Variants in SYDE1 observed in about 807,000 individuals in gnomAD.
SYDE1 encodes synapse defective Rho GTPase activating protein 1, also known as rho GTPase-activating protein SYDE1.
Under a neutral mutation model 63.3 loss-of-function variants are expected in SYDE1, and 34 were observed. The observed-to-expected ratio is 0.54, with a 90% CI of 0.41 to 0.71. The LOEUF is 0.71. Among genes scored for constraint, SYDE1 ranks in the 30% least tolerant of loss-of-function variants. The pLI is 0.00. For synonymous variants in SYDE1, 467 were observed against 473.4 expected (o/e 0.99, Z 0.18); for missense variants, 925 against 1,042.5 (o/e 0.89, Z 1.55).
In SYDE1 at chr19:15,109,153, G is replaced by A; in HGVS notation, c.186G>A (p.Glu62=). The change falls in exon 2 of 8, where the codon GAG becomes GAA. Residue 62 remains glutamate, a synonymous_variant. Transcript: ENST00000342784. The surrounding 1 kb of genome is among the most constrained non-coding windows in gnomAD (Gnocchi z 5.0). ...QAGAEGPSSP[E]ASRSPARGAY... ...GAGCAGAGGGGCCCTCCAGCCCCGA[G>A]GCATCAAGGAGCCCTGCACGGGGAG... 6.4e-7 allele frequency: 1 copy of A among 1,552,374 alleles called. No homozygotes were observed. The highest frequency in any genetic ancestry group is 8.7e-7 in the Non-Finnish European group (1 of 1,147,490).
At position 15,110,053 on chromosome 19, in the gene SYDE1, C is replaced by T; in HGVS notation, c.780C>T (p.Pro260=). The change falls in exon 3 of 8, where the codon CCC becomes CCT. Residue 260 remains proline (P), a synonymous_variant. Transcript: ENST00000342784. The surrounding 1 kb of genome is among the most constrained non-coding windows in gnomAD (Gnocchi z 6.9). The part of the protein sequence containing the change: ...PYEVGPAARA[P]PAALWGRLSL... ...AGGTGGGTCCCGCAGCCCGGGCACCCCCGGCCGCACTCTGGGGCCGCCTCA... is the reference window on the plus strand; with the variant it reads ...AGGTGGGTCCCGCAGCCCGGGCACCTCCGGCCGCACTCTGGGGCCGCCTCA... 6.7e-7 allele frequency: 1 copy of T among 1,498,990 alleles called. No homozygotes were observed. The highest frequency in any genetic ancestry group is 8.8e-7 in the Non-Finnish European group (1 of 1,132,024). 92.9% of individuals were successfully genotyped at this position (1,498,990 alleles called of 1,614,324 possible). A position where few individuals can be genotyped will look rare whatever the true frequency, so the allele number is the denominator to read the frequency against.
chr19:15,111,386 G>C lies in SYDE1; in HGVS notation c.1364G>C (p.Ser455Thr). ...CTTCGGGATGCCTTTGAGCGGGACA[G>C]TGCAGCGGTCTGCCTATCTGAGGAC... Reference protein sequence around the residue: ...KELRDAFERDSAAVCLSEDLY... With the variant: ...KELRDAFERDTAAVCLSEDLY... The change falls in exon 5 of 8, where the codon AGT becomes ACT. Residue 455 changes from serine (S) to threonine (T), a missense_variant. Ser to Thr is a moderately conservative substitution (Grantham distance 58). This residue lies in a region of SYDE1 where 599 missense variants were observed against 653.7 expected (regional missense o/e 0.92). Coordinates refer to ENST00000342784, the MANE Select transcript of SYDE1 (RefSeq NM_033025.6). The surrounding 1 kb of genome is among the most constrained non-coding windows in gnomAD (Gnocchi z 5.5). 6.2e-7 allele frequency: 1 copy of C among 1,614,136 alleles called. No individual in the cohort carries two copies.
rs200072326 is a variant in SYDE1, at chr19:15,111,468, C to T, written c.1417+29C>T. 3.7e-6 allele frequency: 6 copies of T among 1,611,686 alleles called. No individual in the cohort carries two copies. The Admixed American group carries it at 5.0e-5, about 13-fold the overall frequency. The stretch of plus-strand genomic sequence containing the variant: ...AGCATGGCCCCCTCTCCCCTGCCTG[C>T]TCACCCCCATTCAATGCCTCACTTC... On this transcript the variant is annotated intron_variant, in intron 5 of 7. Transcript: ENST00000342784. This position sits in a 1 kb window ranked among gnomAD's most constrained non-coding sequence, Gnocchi z 5.5.
Position 15,111,162 on chromosome 19 carries a change from G to A in SYDE1, c.1291-151G>A. The A allele has an allele frequency of 1.3e-6, 1 of 786,260 alleles. No homozygotes were observed. The highest frequency in any genetic ancestry group is 2.0e-6 in the Non-Finnish European group (1 of 488,584). 48.7% of individuals were successfully genotyped at this position (786,260 alleles called of 1,614,324 possible). A position where few individuals can be genotyped will look rare whatever the true frequency, so the allele number is the denominator to read the frequency against. On this transcript the variant is annotated intron_variant, in intron 4 of 7. Transcript: ENST00000342784. This position sits in a 1 kb window ranked among gnomAD's most constrained non-coding sequence, Gnocchi z 5.5. ...CCAAGACAAGTAGTCCAAGCAGAGG[G>A]TTTACAAGGCCAGGTTGTCAAGGTA...
In SYDE1 at chr19:15,110,026, C is replaced by G. The variant is rs940270518; in HGVS notation, c.753C>G (p.Tyr251Ter). ...CATCACCCACCTCCTTCCGGCCCTACGAGGTGGGTCCCGCAGCCCGGGCAC... is the reference window on the plus strand; with the variant it reads ...CATCACCCACCTCCTTCCGGCCCTAGGAGGTGGGTCCCGCAGCCCGGGCAC... ...GPPSPTSFRPYEVGPAARAPP... is the reference protein window; with the variant it reads ...GPPSPTSFRP The change falls in exon 3 of 8, where the codon TAC becomes TAG. Residue 251 changes from tyrosine (Y) to a stop codon, truncating the protein, a stop_gained. Transcript: ENST00000342784. LOFTEE classifies it high-confidence loss of function. The surrounding 1 kb of genome is among the most constrained non-coding windows in gnomAD (Gnocchi z 6.9). The G allele has an allele frequency of 1.3e-6, 2 of 1,504,654 alleles. No homozygotes were observed. Among genetic ancestry groups the G allele is most frequent in the Non-Finnish European group, 1.8e-6 (2 of 1,134,528 alleles). 93.2% of individuals were successfully genotyped at this position (1,504,654 alleles called of 1,614,324 possible).
At position 15,110,664 on chromosome 19, in the gene SYDE1, G is replaced by A. The variant is rs1214040192; in HGVS notation, c.1219G>A (p.Glu407Lys). Residue 407 changes from glutamate (E) to lysine (K), a missense_variant, in exon 4 of 8, where the codon GAG (glutamate) becomes AAG (lysine). Transcript: ENST00000342784. The surrounding 1 kb of genome is among the most constrained non-coding windows in gnomAD (Gnocchi z 6.9). Reference protein sequence around the residue: ...GLPLPLLVERERPPGQVPLII... With the variant: ...GLPLPLLVERKRPPGQVPLII... ...GCCCCTGCCACTGCTGGTGGAGCGGGAGCGGCCCCCCGGCCAGGTGCCCCT... is the reference window on the plus strand; with the variant it reads ...GCCCCTGCCACTGCTGGTGGAGCGGAAGCGGCCCCCCGGCCAGGTGCCCCT... The A allele has an allele frequency of 6.3e-7, 1 of 1,586,332 alleles. No individual in the cohort carries two copies. The highest frequency in any genetic ancestry group is 1.3e-5 in the African/African-American group (1 of 74,404).
Position 15,109,273 on chromosome 19 carries a change from C to A in SYDE1, c.306C>A (p.Gly102=), listed in dbSNP as rs2046325791. The change falls in exon 2 of 8, where the codon GGC becomes GGA. Residue 102 remains glycine, a synonymous_variant. Coordinates refer to ENST00000342784, the MANE Select transcript of SYDE1 (RefSeq NM_033025.6). The surrounding 1 kb of genome is among the most constrained non-coding windows in gnomAD (Gnocchi z 5.0). ...CCTCTTTAGGGCCTGGGGTACCTGG[C>A]ACTGGGGAGCCCGCCGGCGAGATCT... ...EDTSLGPGVP[G]TGEPAGEIWY... The A allele has an allele frequency of 3.1e-6, 5 of 1,611,090 alleles. No individual in the cohort carries two copies. In the East Asian group the frequency reaches 1.1e-4, roughly 36 times the overall value.
Position 15,111,667 on chromosome 19 carries a change from C to G in SYDE1, c.1453C>G (p.Pro485Ala), listed in dbSNP as rs779170644. The G allele has an allele frequency of 1.9e-6, 3 of 1,613,932 alleles. No homozygotes were observed. Among genetic ancestry groups the G allele is most frequent in the Non-Finnish European group, 2.5e-6 (3 of 1,179,920 alleles). ...GGATTATCTTCGAGAGTTGCCCACCCCACTCATCACCCAGCCCCTGTATAA... is the reference window on the plus strand; with the variant it reads ...GGATTATCTTCGAGAGTTGCCCACCGCACTCATCACCCAGCCCCTGTATAA... ...LKDYLRELPT[P>A]LITQPLYKVV... Residue 485 changes from proline (P) to alanine (A), a missense_variant, in exon 6 of 8, where the codon CCA becomes GCA. Coordinates refer to ENST00000342784, the MANE Select transcript of SYDE1 (RefSeq NM_033025.6). The surrounding 1 kb of genome is among the most constrained non-coding windows in gnomAD (Gnocchi z 5.5).
chr19:15,108,574 G>A lies in SYDE1; in HGVS notation c.89-482G>A, dbSNP rs114315251. Reference sequence around the variant, plus strand: ...ATAGAAAACCCAGCTCCTCACTCCTGAGCACGTAGTGCCTGCTGTGGGCTG... The same window carrying A: ...ATAGAAAACCCAGCTCCTCACTCCTAAGCACGTAGTGCCTGCTGTGGGCTG... On this transcript the variant is annotated intron_variant, in intron 1 of 7. Transcript: ENST00000342784. The surrounding 1 kb of genome is among the most constrained non-coding windows in gnomAD (Gnocchi z 4.3). 1.9e-3 allele frequency among the ~76,000 whole-genome samples: 296 copies of A among 152,278 alleles called. No individual in the cohort carries two copies. Among genetic ancestry groups the A allele is most frequent in the African/African-American group, 6.3e-3 (263 of 41,558 alleles).
In SYDE1 at chr19:15,114,456, G is replaced by A. The variant is rs1000113488; in HGVS notation, c.*493G>A. ...TAGCATGAGGCACTGTTTGTGGGGG[G>A]CAGCCCCTATCCTGGGTTCCAGCAT... On this transcript the variant is annotated 3_prime_UTR_variant, in exon 8 of 8. Coordinates refer to ENST00000342784, the MANE Select transcript of SYDE1 (RefSeq NM_033025.6). 1.2e-5 allele frequency: 2 copies of A among 162,048 alleles called. No individual in the cohort carries two copies. Among genetic ancestry groups the A allele is most frequent in the Admixed American group, 1.2e-4 (2 of 17,084 alleles). The allele number at this position is 162,048 out of a possible 1,614,324, so 10.0% of individuals were successfully genotyped here.
Position 15,110,824 on chromosome 19 carries a change from C to T in SYDE1, c.1290+89C>T, listed in dbSNP as rs1038399072. ...TATGTACAGATGCCAGACCCCTACC[C>T]CCAGGCCTGAGCCACTCCTAGCTCC... On this transcript the variant is annotated intron_variant, in intron 4 of 7. Transcript: ENST00000342784. The surrounding 1 kb of genome is among the most constrained non-coding windows in gnomAD (Gnocchi z 6.9). 2 of 1,205,612 alleles carry T rather than the reference C, an allele frequency of 1.7e-6. No homozygotes were observed. The highest frequency in any genetic ancestry group is 2.6e-5 in the Admixed American group (1 of 38,546). 74.7% of individuals were successfully genotyped at this position (1,205,612 alleles called of 1,614,324 possible). A position where few individuals can be genotyped will look rare whatever the true frequency, so the allele number is the denominator to read the frequency against.
rs1226258881 is a variant in SYDE1, at chr19:15,111,932, A to C, written c.1578+140A>C. On this transcript the variant is annotated intron_variant, in intron 6 of 7. Coordinates refer to ENST00000342784, the MANE Select transcript of SYDE1 (RefSeq NM_033025.6). The surrounding 1 kb of genome is among the most constrained non-coding windows in gnomAD (Gnocchi z 5.5). ...AAGAAATAGGTGCTATTAGCATCCCACTTCATAGATTTGGAAACTGAGGCC... is the reference window on the plus strand; with the variant it reads ...AAGAAATAGGTGCTATTAGCATCCCCCTTCATAGATTTGGAAACTGAGGCC... 3.3e-6 allele frequency: 3 copies of C among 896,072 alleles called. No individual in the cohort carries two copies. The Admixed American group carries it at 9.9e-5, about 29-fold the overall frequency. 55.5% of individuals were successfully genotyped at this position (896,072 alleles called of 1,614,324 possible).
At position 15,114,020 on chromosome 19, in the gene SYDE1, C is replaced by T. The variant is rs1325788358; in HGVS notation, c.*57C>T. 3 of 1,530,360 alleles carry T rather than the reference C, an allele frequency of 2.0e-6. No homozygotes were observed. Among genetic ancestry groups the T allele is most frequent in the African/African-American group, 1.4e-5 (1 of 72,948 alleles). The allele number at this position is 1,530,360 out of a possible 1,614,324, so 94.8% of individuals were successfully genotyped here. A position where few individuals can be genotyped will look rare whatever the true frequency, so the allele number is the denominator to read the frequency against. ...AGGACCGGGCGCCCAGTGGCTAAGG[C>T]GGTGCCCTGGTGACCAAGGAGAGCC... On this transcript the variant is annotated 3_prime_UTR_variant, in exon 8 of 8. Transcript: ENST00000342784.
Position 15,109,143 on chromosome 19 carries a change from C to T in SYDE1, c.176C>T (p.Ser59Phe), listed in dbSNP as rs949767615. The T allele has an allele frequency of 3.2e-6, 5 of 1,551,130 alleles. No homozygotes were observed. In the Admixed American group the frequency reaches 7.8e-5, roughly 24 times the overall value. Reference protein sequence around the residue: ...EGSQAGAEGPSSPEASRSPAR... With the variant: ...EGSQAGAEGPFSPEASRSPAR... ...TCCCAGGCCGGAGCAGAGGGGCCCT[C>T]CAGCCCCGAGGCATCAAGGAGCCCT... The change falls in exon 2 of 8, where the codon TCC (serine) becomes TTC (phenylalanine). Residue 59 changes from serine to phenylalanine, a missense_variant. Transcript: ENST00000342784. The surrounding 1 kb of genome is among the most constrained non-coding windows in gnomAD (Gnocchi z 5.0).
Position 15,114,666 on chromosome 19 carries a change from C to A in SYDE1, c.*703C>A, listed in dbSNP as rs985269477. On this transcript the variant is annotated 3_prime_UTR_variant, in exon 8 of 8. Coordinates refer to ENST00000342784, the MANE Select transcript of SYDE1 (RefSeq NM_033025.6). ...AAAAAATTGAGCACTTAAACCCCTC[C>A]CTTTTGGAGGGGGCCCCCTGAAGCG... is the stretch of plus-strand genomic sequence containing the variant. 2 of 149,362 alleles carry A rather than the reference C, an allele frequency of 1.3e-5. No homozygotes were observed. The highest frequency in any genetic ancestry group is 2.5e-5 in the African/African-American group (1 of 40,704). The allele number at this position is 149,362 out of a possible 1,614,324, so 9.3% of individuals were successfully genotyped here. A position where few individuals can be genotyped will look rare whatever the true frequency, so the allele number is the denominator to read the frequency against.
In SYDE1 at chr19:15,108,832, CT is replaced by C; in HGVS notation, c.89-220del. On this transcript the variant is annotated intron_variant, in intron 1 of 7. Transcript: ENST00000342784. This position sits in a 1 kb window ranked among gnomAD's most constrained non-coding sequence, Gnocchi z 4.3. Reference sequence around the variant, plus strand: ...CCTGAGGCTGCAGGGATGGAGTCCCCTTTTGGGATGCCAGGGACTGAGTAGG... The same window carrying C: ...CCTGAGGCTGCAGGGATGGAGTCCCCTTTGGGATGCCAGGGACTGAGTAGG... 1.7e-6 allele frequency: 1 copy of C among 574,178 alleles called. No homozygotes were observed. The highest frequency in any genetic ancestry group is 2.7e-6 in the Non-Finnish European group (1 of 372,310). 35.6% of individuals were successfully genotyped at this position (574,178 alleles called of 1,614,324 possible).
At position 15,112,530 on chromosome 19, in the gene SYDE1, A is replaced by C; in HGVS notation, c.1763A>C (p.His588Pro). 1 of 1,602,202 alleles carries C rather than the reference A, an allele frequency of 6.2e-7. No individual in the cohort carries two copies. The highest frequency in any genetic ancestry group is 1.1e-5 in the South Asian group (1 of 88,780). The part of the protein sequence containing the change: ...PGLASAVDFK[H>P]HIEVLHYLLQ... ...CTTGCCAGTGCAGTGGACTTCAAGC[A>C]CCACATCGAGGTGCTGCACTACCTG... The change falls in exon 7 of 8, where the codon CAC (histidine) becomes CCC (proline). Residue 588 changes from histidine to proline, a missense_variant. Physicochemically the swap from His to Pro is moderately conservative, Grantham distance 77. Coordinates refer to ENST00000342784, the MANE Select transcript of SYDE1 (RefSeq NM_033025.6).
rs1356618998 is a variant in SYDE1, at chr19:15,113,782, A to G, written c.2027A>G (p.Asp676Gly). ...GATTTCCTGTCCGGGCCAGACTACG[A>G]CCACGTGACGGGCAGTGACAGCGAG... The part of the protein sequence containing the change: ...GRDFLSGPDY[D>G]HVTGSDSEDE... Residue 676 changes from aspartate (D) to glycine (G), a missense_variant, in exon 8 of 8, where the codon GAC (aspartate) becomes GGC (glycine). Asp to Gly is a moderately conservative substitution (Grantham distance 94). Around this residue, in one of 3 missense-constraint regions of SYDE1, gnomAD observed 255 missense variants for 255.9 expected, o/e 1.00. Transcript: ENST00000342784. 1 of 1,614,126 alleles carries G rather than the reference A, an allele frequency of 6.2e-7. No individual in the cohort carries two copies. The highest frequency in any genetic ancestry group is 1.1e-5 in the South Asian group (1 of 91,084).
rs1299408170 is a variant in SYDE1, at chr19:15,114,938, C to T, written c.*975C>T. On this transcript the variant is annotated 3_prime_UTR_variant, in exon 8 of 8. Transcript: ENST00000342784. ...CCTGTCTCCCTCTTCTTTTCCGCAC[C>T]TCCATCTTTGTGGATAATAAATAAA... 2 of 425,652 alleles carry T rather than the reference C, an allele frequency of 4.7e-6. No individual in the cohort carries two copies. Among genetic ancestry groups the T allele is most frequent in the South Asian group, 2.3e-5 (1 of 42,952 alleles). The allele number at this position is 425,652 out of a possible 1,614,324, so 26.4% of individuals were successfully genotyped here.
Sources: allele counts gnomAD v4.1 joint callset (sites outside exome capture counted in the v4.1 genomes callset), GRCh38; gene constraint gnomAD v4.1.1; regional missense constraint gnomAD v4.1.1; non-coding constraint Gnocchi (gnomAD v3.1); transcripts MANE v1.5; gene names NCBI Gene and HGNC (gene_info 2026-07-23, HGNC 2026-07-21).